Variants in ARL17B observed in about 807,000 individuals in gnomAD.
The protein encoded by ARL17B is ARF like GTPase 17B, also known as ADP-ribosylation factor-like protein 17.
In ARL17B at chr17:46,314,391, T is replaced by G. The variant is rs545083275; in HGVS notation, c.260-14726A>C. On this transcript the variant is annotated intron_variant, in intron 3 of 4. Transcript: ENST00000434041. ...AGGTATTTGACATATTTTGCATCAA[T>G]TCTTATAATCGTGTGAGATGTAGGG... Among the ~76,000 whole-genome samples, 164 of 71,710 alleles carry G rather than the reference T, an allele frequency of 2.3e-3. 32 individuals are homozygous for G. The highest frequency in any genetic ancestry group is 5.7e-3 in the African/African-American group (155 of 27,316). 47.0% of individuals were successfully genotyped at this position (71,710 alleles called of 152,430 possible).
At position 46,317,106 on chromosome 17, in the gene ARL17B, C is replaced by T. The variant is rs1388472644; in HGVS notation, c.260-17441G>A. Reference sequence around the variant, plus strand: ...CAAAACCGCCATTGTCATCATGGCCCGTTCTCAATGAGCTGTTGGGTACAC... The same window carrying T: ...CAAAACCGCCATTGTCATCATGGCCTGTTCTCAATGAGCTGTTGGGTACAC... On this transcript the variant is annotated intron_variant, in intron 3 of 4. Coordinates refer to the ARL17B transcript ENST00000434041. 3.5e-5 allele frequency among the ~76,000 whole-genome samples: 3 copies of T among 86,304 alleles called. 1 individual carries two copies. The highest frequency in any genetic ancestry group is 6.0e-5 in the African/African-American group (2 of 33,118). The allele number at this position is 86,304 out of a possible 152,430, so 56.6% of individuals were successfully genotyped here.
chr17:46,283,221 T>A (rs2049817974), intron 4 of ARL17B, among the ~76,000 whole-genome samples: 1 of 152,184 alleles, frequency 6.6e-6, no homozygotes, highest in Non-Finnish European at 1.5e-5. Context: ...CCACCAGCCT[T>A]GCTAAAAGTA....
intron 4 of ARL17B, among the ~76,000 whole-genome samples, chr17:46,290,531 C>T (rs1208353533): frequency 6.6e-6 from 1 of 152,232 alleles, no homozygotes; most frequent in Non-Finnish European, 1.5e-5. Context: ...ACTGCAACCT[C>T]CGCCTTCTGG....
At chr17:46,287,700 C>T (rs1303328285) in intron 4 of ARL17B, among the ~76,000 whole-genome samples, 1 of 152,168 alleles carries the variant, frequency 6.6e-6, no homozygotes, top group Non-Finnish European at 1.5e-5. Context: ...GGGTAGGGAA[C>T]GTGGAAGGAG....
chr17:46,291,392 C>A lies in ARL17B; in HGVS notation c.*21+8134G>T, dbSNP rs563261402. On this transcript the variant is annotated intron_variant, in intron 4 of 4. Coordinates refer to the ARL17B transcript ENST00000570618. ...CTGTGAGCAGGACTAAAACTGCAGG[C>A]CTTCTAGACTCCAGATGCAGAAGGA... is the stretch of plus-strand genomic sequence containing the variant. Among the ~76,000 whole-genome samples the A allele has an allele frequency of 3.9e-5, 6 of 151,912 alleles. No homozygotes were observed. In the South Asian group the frequency reaches 1.2e-3, roughly 32 times the overall value.
chr17:46,316,603 TTTTG>T (rs1242569356), intron 3 of ARL17B, among the ~76,000 whole-genome samples: 1 of 73,396 alleles, frequency 1.4e-5, no homozygotes, highest in Non-Finnish European at 4.0e-5. Context: ...GCCCAGTTTT[TTTTG>T]TTTTTGTTTT....
chr17:46,281,043 T>C (rs1222812576), intron 4 of ARL17B, among the ~76,000 whole-genome samples: 1 of 152,240 alleles, frequency 6.6e-6, no homozygotes, highest in African/African-American at 2.4e-5. Context: ...CATAATCTTC[T>C]AGCACTAAAT....
chr17:46,281,586 T>C (rs2049764671), intron 4 of ARL17B, among the ~76,000 whole-genome samples: 2 of 152,218 alleles, frequency 1.3e-5, no homozygotes, highest in South Asian at 2.1e-4. Flanking sequence ...CACGCCACTA[T>C]GCCTGGTTAA....
At chr17:46,290,396 G>A (rs1272941124) in intron 4 of ARL17B, among the ~76,000 whole-genome samples, 6 of 152,140 alleles carry the variant, frequency 3.9e-5, no homozygotes, top group Admixed American at 2.0e-4. Context: ...AGAATGCTGG[G>A]ATTACAGGCT....
intron 4 of ARL17B, among the ~76,000 whole-genome samples, chr17:46,283,030 A>G (rs1198808579): frequency 2.6e-5 from 4 of 152,172 alleles, no homozygotes; most frequent in African/African-American, 4.8e-5. Context: ...GAGGCAGGAG[A>G]ATCGCTTGAA....
intron 3 of ARL17B, among the ~76,000 whole-genome samples, chr17:46,307,718 C>A (rs1432755799): frequency 1.3e-5 from 1 of 76,582 alleles, no homozygotes; most frequent in Admixed American, 1.4e-4. Flanking sequence ...CACTGGGAGT[C>A]CCTCATAAAA....
At chr17:46,289,470 C>A (rs1407576362) in intron 4 of ARL17B, among the ~76,000 whole-genome samples, 5 of 152,156 alleles carry the variant, frequency 3.3e-5, no homozygotes, top group Middle Eastern at 3.2e-3. Flanking sequence ...TTGTACCCAG[C>A]CATAAGAATA....
At chr17:46,285,297 A>G (rs2049874921) in intron 4 of ARL17B, among the ~76,000 whole-genome samples, 1 of 142,562 alleles carries the variant, frequency 7.0e-6, no homozygotes, top group Admixed American at 7.3e-5. Flanking sequence ...CTGGAGTGCC[A>G]TGGCTCGATC....
chr17:46,317,224 T>TTAC (rs2051205735), intron 3 of ARL17B, among the ~76,000 whole-genome samples: 1 of 81,518 alleles, frequency 1.2e-5, no homozygotes, highest in Admixed American at 1.3e-4. Flanking sequence ...AGACAGGGTT[T>TTAC]TACTCTATTG....
At position 46,339,344 on chromosome 17, in the gene ARL17B, TTTC is replaced by T. The variant is rs2052435829; in HGVS notation, c.*153_*155del. ...ACTGGGGTCAGAGACCAAATATATATTTCTTCTTATGTTACACTACCCCAGATA... is the reference window on the plus strand; with the variant it reads ...ACTGGGGTCAGAGACCAAATATATATTTCTTATGTTACACTACCCCAGATA... On this transcript the variant is annotated 3_prime_UTR_variant, in exon 4 of 4. Coordinates refer to ENST00000450673, the MANE Select transcript of ARL17B (RefSeq NM_001039083.5). 6.4e-6 allele frequency: 2 copies of T among 314,398 alleles called. No individual in the cohort carries two copies. The highest frequency in any genetic ancestry group is 6.2e-5 in the East Asian group (2 of 32,102). 19.5% of individuals were successfully genotyped at this position (314,398 alleles called of 1,614,324 possible).
chr17:46,278,449 G>C (rs1327830643), intron 4 of ARL17B, among the ~76,000 whole-genome samples: 1 of 151,050 alleles, frequency 6.6e-6, no homozygotes, highest in Non-Finnish European at 1.5e-5. Flanking sequence ...CTGTCACCCA[G>C]GCTAGAGTGC....
chr17:46,283,710 A>G (rs2049831700), intron 4 of ARL17B, among the ~76,000 whole-genome samples: 1 of 152,210 alleles, frequency 6.6e-6, no homozygotes, highest in African/African-American at 2.4e-5. Context: ...AAGTACAGAC[A>G]AAGAAATAAG....
intron 4 of ARL17B, among the ~76,000 whole-genome samples, chr17:46,283,166 A>G (rs1342096465): frequency 6.6e-6 from 1 of 152,206 alleles, no homozygotes; most frequent in Admixed American, 6.5e-5. Context: ...ACTGTAATAG[A>G]TACTATCAAT....
At chr17:46,278,366 TTTTTG>T (rs1436864076) in intron 4 of ARL17B, among the ~76,000 whole-genome samples, 9 of 152,236 alleles carry the variant, frequency 5.9e-5, no homozygotes, top group African/African-American at 1.2e-4. Flanking sequence ...GTCCTAGTCT[TTTTTG>T]TTTTGTTTTG....
Sources: gnomAD v4.1 joint callset for allele counts (sites outside exome capture counted in the v4.1 genomes callset) on GRCh38, gnomAD v4.1.1 for gene constraint, MANE v1.5 for transcripts, NCBI Gene and HGNC (gene_info 2026-07-23, HGNC 2026-07-21) for gene names.